Variants in INO80D observed in about 807,000 individuals in gnomAD.
The protein encoded by INO80D is INO80 complex subunit D.
In INO80D, 21 loss-of-function variants were observed where a neutral mutation model predicts 87.6. The ratio of observed to expected loss-of-function variants is 0.24; its 90% CI spans 0.17 to 0.35. INO80D has a LOEUF of 0.35. Among genes scored for constraint, INO80D ranks in the 10% least tolerant of loss-of-function variants. The pLI is 1.00. For missense variants in INO80D, 982 were observed against 1,280.7 expected (o/e 0.77, Z 3.56); for synonymous variants, 440 against 491.0 (o/e 0.90, Z 1.37).
In INO80D at chr2:206,021,363, A is replaced by T. The variant is rs919152973; in HGVS notation, c.1299-1518T>A. ...GTTTATATGTCCATGGTGTTGCCTTAAAACCTGCCTTAACTAAGATGTCTA... is the reference window on the plus strand; with the variant it reads ...GTTTATATGTCCATGGTGTTGCCTTTAAACCTGCCTTAACTAAGATGTCTA... On this transcript the variant is annotated intron_variant, in intron 6 of 10. Coordinates refer to ENST00000403263, the MANE Select transcript of INO80D (RefSeq NM_017759.5). Among the ~76,000 whole-genome samples, 10 of 152,248 alleles carry T rather than the reference A, an allele frequency of 6.6e-5. 1 individual carries two copies. Among genetic ancestry groups the T allele is most frequent in the African/African-American group, 2.4e-4 (10 of 41,462 alleles).
At chr2:206,046,363 C>A (rs948540617) in intron 5 of INO80D, 141 bp downstream of exon 5, 23 of 602,188 alleles carry the variant, frequency 3.8e-5, no homozygotes, top group Admixed American at 3.5e-4. Flanking sequence ...ATGGTGAAAC[C>A]CCATCTCTAC....
chr2:206,061,745 G>T (rs1322280095), intron 3 of INO80D, among the ~76,000 whole-genome samples: 1 of 152,158 alleles, frequency 6.6e-6, no homozygotes, highest in Non-Finnish European at 1.5e-5. Flanking sequence ...ATTTCATACT[G>T]CAAGTGTAAA....
At chr2:206,038,068 G>C (rs1422992772) in intron 5 of INO80D, among the ~76,000 whole-genome samples, 1 of 152,172 alleles carries the variant, frequency 6.6e-6, no homozygotes, top group Non-Finnish European at 1.5e-5. Flanking sequence ...GATAGACGAT[G>C]AAGACTCAGA....
At chr2:206,017,097 A>G (rs1240541038) in intron 8 of INO80D, among the ~76,000 whole-genome samples, 1 of 152,170 alleles carries the variant, frequency 6.6e-6, no homozygotes, top group African/African-American at 2.4e-5. Flanking sequence ...ACAGGTTCCA[A>G]CTATTAAGTC....
intron 1 of INO80D, among the ~76,000 whole-genome samples, chr2:206,077,888 T>G (rs1341682571): frequency 1.3e-5 from 2 of 151,928 alleles, no homozygotes; most frequent in African/African-American, 2.4e-5. Flanking sequence ...GACCAGTCAG[T>G]GAGTTCTTTT....
intron 1 of INO80D, among the ~76,000 whole-genome samples, chr2:206,074,641 T>A (rs895428273): frequency 6.6e-6 from 1 of 151,774 alleles, no homozygotes; most frequent in Non-Finnish European, 1.5e-5. Context: ...TTTAGGTTTT[T>A]AAAAAATCCT....
intron 1 of INO80D, among the ~76,000 whole-genome samples, chr2:206,084,150 ACGTGTGT>A (rs1477412360): frequency 1.3e-5 from 2 of 151,658 alleles, no homozygotes; most frequent in African/African-American, 4.8e-5. Context: ...CAGAAAACAT[ACGTGTGT>A]GTGTATGAAT....
At chr2:206,040,619 T>C (rs919989405) in intron 5 of INO80D, 4 of 249,188 alleles carry the variant, frequency 1.6e-5, no homozygotes, top group Non-Finnish European at 3.5e-5. Flanking sequence ...AAAAAGAAGA[T>C]TACCAGGAGG....
intron 6 of INO80D, among the ~76,000 whole-genome samples, chr2:206,024,558 C>A (rs1057257026): frequency 1.3e-5 from 2 of 152,206 alleles, no homozygotes; most frequent in South Asian, 4.1e-4. Flanking sequence ...ACAACTCTAA[C>A]CTGTTCTACT....
At position 206,081,768 on chromosome 2, in the gene INO80D, A is replaced by AAAAGAAAG. The variant is rs56190512; in HGVS notation, c.-124+4125_-124+4132dup. 1.1e-3 allele frequency among the ~76,000 whole-genome samples: 163 copies of AAAAGAAAG among 147,154 alleles called. 1 individual carries two copies. The East Asian group carries it at 0.019, about 17-fold the overall frequency. Reference sequence around the variant, plus strand: ...TGAGACCCTGTCTCAAAAAAAAAAAAAAAGAAAGAAAGAAAGAAAGAAAGA... The same window carrying AAAAGAAAG: ...TGAGACCCTGTCTCAAAAAAAAAAAAAAAGAAAGAAAGAAAGAAAGAAAGAAAGAAAGA... On this transcript the variant is annotated intron_variant, in intron 1 of 10. Coordinates refer to ENST00000403263, the MANE Select transcript of INO80D (RefSeq NM_017759.5).
rs760629333 is a variant in INO80D at position 206,056,771 on chromosome 2, G to A, written c.391C>T (p.Leu131Phe). ...KMPNGLDGMS[L>F]SPPGARVPLH... is the part of the protein sequence containing the mutation. ...GGGACCCTTGCCCCAGGTGGAGAGA[G>A]GGACATTCCATCCAGTCCGTTGGGC... The change falls in exon 4 of 11, where the codon CTC becomes TTC. Residue 131 changes from leucine (L) to phenylalanine (F), a missense_variant. Physicochemically the swap from Leu to Phe is conservative, Grantham distance 22 (BLOSUM62 0). Coordinates refer to ENST00000403263, the MANE Select transcript of INO80D (RefSeq NM_017759.5). 6.2e-7 allele frequency: 1 copy of A among 1,613,002 alleles called. No individual in the cohort carries two copies. The highest frequency in any genetic ancestry group is 8.5e-7 in the Non-Finnish European group (1 of 1,179,496).
intron 3 of INO80D, 111 bp from the exon 4 acceptor site, chr2:206,057,054 T>A: frequency 9.5e-7 from 1 of 1,047,850 alleles, no homozygotes; most frequent in Non-Finnish European, 1.3e-6. Flanking sequence ...CTATAGTGAC[T>A]CTTGGCAGCC....
At position 206,062,056 on chromosome 2, in the gene INO80D, C is replaced by A. The variant is rs1689703722; in HGVS notation, c.218+743G>T. Reference sequence around the variant, plus strand: ...TCCTAACAATATGAAAGATGAATAACCAGTATAAGACTCCTTTAAAAACAA... The same window carrying A: ...TCCTAACAATATGAAAGATGAATAAACAGTATAAGACTCCTTTAAAAACAA... On this transcript the variant is annotated intron_variant, in intron 3 of 10. Transcript: ENST00000403263. This position sits in a 1 kb window ranked among gnomAD's most constrained non-coding sequence, Gnocchi z 4.6. 6.6e-6 allele frequency among the ~76,000 whole-genome samples: 1 copy of A among 152,118 alleles called. No individual in the cohort carries two copies. Among genetic ancestry groups the A allele is most frequent in the Admixed American group, 6.5e-5 (1 of 15,274 alleles).
chr2:206,005,295 C>T lies in INO80D; in HGVS notation c.2157G>A (p.Gly719=), dbSNP rs759114347. Reference sequence around the variant, plus strand: ...TAGAAAAATTATCATGTACTATACGCCCATTCAATAGCTCCCCTAGGTCTG... The same window carrying T: ...TAGAAAAATTATCATGTACTATACGTCCATTCAATAGCTCCCCTAGGTCTG... ...VNTDLGELLN[G]RIVHDNFSSL... Residue 719 remains glycine (G), a synonymous_variant, in exon 11 of 11, where the codon GGG becomes GGA. Transcript: ENST00000403263. 2 of 1,614,024 alleles carry T rather than the reference C, an allele frequency of 1.2e-6. No individual in the cohort carries two copies. Among genetic ancestry groups the T allele is most frequent in the Non-Finnish European group, 1.7e-6 (2 of 1,179,894 alleles).
At chr2:206,068,946 C>T (rs1689889965) in intron 1 of INO80D, among the ~76,000 whole-genome samples, 1 of 152,162 alleles carries the variant, frequency 6.6e-6, no homozygotes, top group South Asian at 2.1e-4. Context: ...AGTGATCTCC[C>T]TGCCTGGGCC....
intron 9 of INO80D, among the ~76,000 whole-genome samples, chr2:206,008,468 A>G (rs944884125): frequency 6.6e-6 from 1 of 150,528 alleles, no homozygotes; most frequent in African/African-American, 2.5e-5. Context: ...TTTGGTAGAG[A>G]TAGGGTTTCA....
Position 206,052,440 on chromosome 2 carries a change from G to A in INO80D, c.964+3758C>T, listed in dbSNP as rs911989797. 3.3e-5 allele frequency among the ~76,000 whole-genome samples: 5 copies of A among 152,100 alleles called. No individual in the cohort carries two copies. In the South Asian group the frequency reaches 6.2e-4, roughly 19 times the overall value. On this transcript the variant is annotated intron_variant, in intron 4 of 10. Coordinates refer to ENST00000403263, the MANE Select transcript of INO80D (RefSeq NM_017759.5). ...GAACTCCTGATCTCGTGATCCACCC[G>A]CCTCAGCCTCCCAAAGTGTTGGGAT...
intron 1 of INO80D, among the ~76,000 whole-genome samples, chr2:206,083,843 C>T (rs1690351508): frequency 7.0e-6 from 1 of 143,450 alleles, no homozygotes; most frequent in African/African-American, 2.7e-5. Context: ...AAACACAACA[C>T]TCTGCCCTAA....
Position 206,038,485 on chromosome 2 carries a change from T to C in INO80D, c.1073+8019A>G, listed in dbSNP as rs72946412. Among the ~76,000 whole-genome samples the C allele has an allele frequency of 5.2e-3, 799 of 152,228 alleles. 4 individuals carry two copies. Among genetic ancestry groups the C allele is most frequent in the Non-Finnish European group, 8.0e-3 (546 of 67,998 alleles). Reference sequence around the variant, plus strand: ...ATGCATTGTTGGTCCCAATAGGAAGTAGAGGAGATCTCTTCCCCTAACTGC... The same window carrying C: ...ATGCATTGTTGGTCCCAATAGGAAGCAGAGGAGATCTCTTCCCCTAACTGC... On this transcript the variant is annotated intron_variant, in intron 5 of 10. Transcript: ENST00000403263.
Sources: gnomAD v4.1 joint callset for allele counts (sites outside exome capture counted in the v4.1 genomes callset) on GRCh38, gnomAD v4.1.1 for gene constraint, Gnocchi (gnomAD v3.1) non-coding constraint, MANE v1.5 for transcripts, NCBI Gene and HGNC (gene_info 2026-07-23, HGNC 2026-07-21) for gene names.